Variants in LARGE1 observed in about 807,000 individuals in gnomAD.
LARGE1 encodes the protein xylosyl- and glucuronyltransferase LARGE1.
In LARGE1, 43 loss-of-function variants were observed where a neutral mutation model predicts 87.6. That is an observed-to-expected ratio of 0.49 (90% CI 0.38 to 0.63). The LOEUF (loss-of-function observed/expected upper bound fraction) is 0.63. LARGE1 is among the 30% of genes least tolerant of loss of function. The pLI, the probability that LARGE1 is intolerant of heterozygous loss-of-function variation, is 0.00. For synonymous variants in LARGE1, 434 were observed against 394.6 expected (o/e 1.10, Z -1.18); for missense variants, 802 against 1,000.2 (o/e 0.80, Z 2.67).
intron 12 of LARGE1, among the ~76,000 whole-genome samples, chr22:33,286,541 G>A (rs1455802446): frequency 2.0e-5 from 3 of 152,146 alleles, no homozygotes; most frequent in African/African-American, 4.8e-5. Flanking sequence ...AACAAGCAAA[G>A]TCTCTGCCCG....
intron 4 of LARGE1, among the ~76,000 whole-genome samples, chr22:33,607,823 C>A (rs768599437): frequency 6.6e-6 from 1 of 152,230 alleles, no homozygotes; most frequent in Non-Finnish European, 1.5e-5. Context: ...AATCAAAAAG[C>A]AGTCAGCACT....
At chr22:33,759,534 A>T (rs1269414905) in intron 2 of LARGE1, among the ~76,000 whole-genome samples, 1 of 152,204 alleles carries the variant, frequency 6.6e-6, no homozygotes, top group Non-Finnish European at 1.5e-5. Flanking sequence ...AAGAGTAAAC[A>T]TATGTAGAAG....
At chr22:33,907,877 G>A (rs1294488711) in intron 1 of LARGE1, among the ~76,000 whole-genome samples, 22 of 152,150 alleles carry the variant, frequency 1.4e-4, no homozygotes, top group Admixed American at 1.2e-3. Context: ...GATTCCAGGC[G>A]TAAGCCACCG....
At chr22:33,736,829 T>TA (rs2083672428) in intron 2 of LARGE1, among the ~76,000 whole-genome samples, 1 of 152,176 alleles carries the variant, frequency 6.6e-6, no homozygotes, top group Non-Finnish European at 1.5e-5. Context: ...TAGCAATCCA[T>TA]AAAAAATGTG....
At chr22:33,279,235 G>A (rs1485698617) in intron 13 of LARGE1, among the ~76,000 whole-genome samples, 1 of 152,122 alleles carries the variant, frequency 6.6e-6, no homozygotes. Flanking sequence ...GGGCCCAAGA[G>A]AAGAGTTAGG....
At chr22:33,779,032 T>C (rs943644209) in intron 1 of LARGE1, among the ~76,000 whole-genome samples, 1 of 152,342 alleles carries the variant, frequency 6.6e-6, no homozygotes, top group South Asian at 2.1e-4. Flanking sequence ...GGTGATGTTA[T>C]ATTTGGCATG....
chr22:33,222,312 G>A (rs1405424128), intron 11 of LARGE1, among the ~76,000 whole-genome samples: 2 of 152,166 alleles, frequency 1.3e-5, no homozygotes, highest in Admixed American at 1.3e-4. Context: ...TAGAAGGGAG[G>A]GTTACCAGCA....
chr22:33,626,958 A>T (rs2079941288), intron 3 of LARGE1, among the ~76,000 whole-genome samples: 1 of 152,090 alleles, frequency 6.6e-6, no homozygotes, highest in Non-Finnish European at 1.5e-5. Context: ...GGGTCCACTG[A>T]CTCACTGCCA....
intron 6 of LARGE1, among the ~76,000 whole-genome samples, chr22:33,535,111 G>A (rs996165394): frequency 5.3e-5 from 8 of 152,204 alleles, no homozygotes; most frequent in Admixed American, 3.9e-4. Context: ...AGTAGAGGAG[G>A]GGCTGAGGGG....
intron 6 of LARGE1, among the ~76,000 whole-genome samples, chr22:33,434,233 T>C (rs1302257867): frequency 6.6e-6 from 1 of 152,126 alleles, no homozygotes; most frequent in African/African-American, 2.4e-5. Context: ...GGAAGTGTCA[T>C]TGTTGGGGGA....
At chr22:33,087,889 G>A in the LARGE1 span, among the ~76,000 whole-genome samples, 237 of 152,268 alleles carry the variant, frequency 1.6e-3, 2 homozygotes, top group Admixed American at 2.2e-3. Context: ...AGCCCAGATC[G>A]TGCCACTGTG....
At chr22:33,124,152 T>A in the LARGE1 span, among the ~76,000 whole-genome samples, 1 of 151,756 alleles carries the variant, frequency 6.6e-6, no homozygotes, top group Admixed American at 6.6e-5. Flanking sequence ...CCAGGCATGG[T>A]GGTGGGTGCC....
At chr22:33,464,523 A>G (rs972504419) in intron 6 of LARGE1, among the ~76,000 whole-genome samples, 1 of 152,220 alleles carries the variant, frequency 6.6e-6, no homozygotes, top group Non-Finnish European at 1.5e-5. Context: ...CTACAAGTCA[A>G]TACGGAAAAG....
chr22:33,166,357 A>T (rs1470193690), exon 12 of LARGE1: 1 of 174,304 alleles, frequency 5.7e-6, no homozygotes, highest in Non-Finnish European at 1.2e-5. Flanking sequence ...AATCTTACCA[A>T]GGGGATGTTC....
chr22:33,792,880 C>T (rs1023696115), intron 1 of LARGE1, among the ~76,000 whole-genome samples: 4 of 152,086 alleles, frequency 2.6e-5, no homozygotes, highest in African/African-American at 7.2e-5. Flanking sequence ...ACCCCAGCCA[C>T]GGGAAAAAGA....
intron 11 of LARGE1, among the ~76,000 whole-genome samples, chr22:33,180,278 TAAAA>T (rs1923093957): frequency 6.6e-6 from 1 of 152,132 alleles, no homozygotes; most frequent in Non-Finnish European, 1.5e-5. Flanking sequence ...ATAAAGTTGA[TAAAA>T]TAAACAAATG....
intron 5 of LARGE1, among the ~76,000 whole-genome samples, chr22:33,587,585 C>T (rs2078713127): frequency 6.6e-6 from 1 of 152,156 alleles, no homozygotes; most frequent in Non-Finnish European, 1.5e-5. Flanking sequence ...TTATCTGCAA[C>T]AGCTCCTTAT....
intron 10 of LARGE1, among the ~76,000 whole-genome samples, chr22:33,318,196 C>T (rs1464036988): frequency 6.8e-6 from 1 of 146,868 alleles, no homozygotes; most frequent in Non-Finnish European, 1.5e-5. Flanking sequence ...GATCATGACA[C>T]TGCATGCCAG....
chr22:33,193,209 A>C (rs781264071), intron 11 of LARGE1, among the ~76,000 whole-genome samples: 13 of 152,098 alleles, frequency 8.5e-5, no homozygotes, highest in Admixed American at 5.9e-4. Context: ...TAGTTTAGTT[A>C]ATTTCTGGAT....
Sources: gnomAD v4.1 joint callset for allele counts (sites outside exome capture counted in the v4.1 genomes callset) on GRCh38, gnomAD v4.1.1 for gene constraint, MANE v1.5 for transcripts, NCBI Gene and HGNC (gene_info 2026-07-23, HGNC 2026-07-21) for gene names.